Variants in DNAH10 observed in about 807,000 individuals in gnomAD.
The protein encoded by DNAH10 is axonemal beta dynein heavy chain 10.
In DNAH10, 348 loss-of-function variants were observed where a neutral mutation model predicts 506.6. The ratio of observed to expected loss-of-function variants is 0.69; its 90% CI spans 0.63 to 0.75. DNAH10 has a LOEUF of 0.75. Among genes scored for constraint, DNAH10 ranks in the 30% least tolerant of loss-of-function variants. The probability of loss-of-function intolerance (pLI) is 0.00; values close to 1 mark genes in which losing one functional copy is unlikely to be tolerated. For missense variants in DNAH10, 5,179 were observed against 5,787.1 expected, an observed-to-expected ratio of 0.89 and a Z score of 3.41; for synonymous variants, 2,059 against 2,198.6, an observed-to-expected ratio of 0.94 and a Z score of 1.78.
intron 5 of DNAH10, among the ~76,000 whole-genome samples, chr12:123,775,489 G>C (rs1426421020): frequency 6.6e-6 from 1 of 152,198 alleles, no homozygotes; most frequent in Non-Finnish European, 1.5e-5. Context: ...AAATGCACTA[G>C]GGAAGGAAGG....
intron 52 of DNAH10, among the ~76,000 whole-genome samples, chr12:123,889,635 C>T (rs916637167): frequency 6.6e-6 from 1 of 152,156 alleles, no homozygotes; most frequent in Non-Finnish European, 1.5e-5. Flanking sequence ...CATCTCAGGG[C>T]AGACAGGGAA....
intron 67 of DNAH10, 100 bp downstream of exon 67, chr12:123,924,532 A>C: frequency 6.9e-7 from 1 of 1,445,034 alleles, no homozygotes; most frequent in South Asian, 1.4e-5. Flanking sequence ...CACTCCTTTG[A>C]GTAACCCATT....
rs190094148 is a variant in DNAH10 at position 123,908,245 on chromosome 12, C to T, written c.9816-1016C>T. 8.7e-3 allele frequency: 3,707 copies of T among 426,316 alleles called. 300 individuals carry two copies. Among genetic ancestry groups the T allele is most frequent in the African/African-American group, 0.071 (3,141 of 44,134 alleles). The allele number at this position is 426,316 out of a possible 1,614,324, so 26.4% of individuals were successfully genotyped here. Reference sequence around the variant, plus strand: ...CTGTCTTCCTGTCTCCTCCCTGTCTCTCTGTCTCCTCCCTGTCTCCCTGTC... The same window carrying T: ...CTGTCTTCCTGTCTCCTCCCTGTCTTTCTGTCTCCTCCCTGTCTCCCTGTC... On this transcript the variant is annotated intron_variant, in intron 57 of 78. Transcript: ENST00000673944.
intron 10 of DNAH10, among the ~76,000 whole-genome samples, chr12:123,788,881 C>A (rs567700717): frequency 6.0e-5 from 9 of 149,096 alleles, no homozygotes; most frequent in South Asian, 2.1e-4. Flanking sequence ...GCCGTGGTCA[C>A]GCCAGTGTAC....
chr12:123,788,388 C>G (rs115704331), intron 10 of DNAH10, among the ~76,000 whole-genome samples: 2,023 of 152,284 alleles, frequency 0.013, 28 homozygotes, highest in Non-Finnish European at 0.02. Context: ...TCCCAGAGCT[C>G]CACGGATGGA....
At chr12:123,891,323 A>G (rs1320745895) in intron 52 of DNAH10, among the ~76,000 whole-genome samples, 1 of 152,182 alleles carries the variant, frequency 6.6e-6, no homozygotes, top group Admixed American at 6.5e-5. Context: ...CTCTGTAAAG[A>G]CAATTTCCAA....
At chr12:123,801,503 T>G in intron 16 of DNAH10, 71 bp downstream of exon 16, 1 of 1,534,500 alleles carries the variant, frequency 6.5e-7, no homozygotes, top group Non-Finnish European at 8.8e-7. Context: ...TTGTTTTATT[T>G]GAATTACCAT....
chr12:123,811,155 T>G (rs973177226), intron 19 of DNAH10, among the ~76,000 whole-genome samples: 10 of 152,326 alleles, frequency 6.6e-5, no homozygotes, highest in South Asian at 2.1e-4. Context: ...GAGCCAAAGT[T>G]TTAACTAGTT....
At chr12:123,836,107 A>T (rs548625871) in intron 28 of DNAH10, among the ~76,000 whole-genome samples, 8 of 152,322 alleles carry the variant, frequency 5.3e-5, no homozygotes, top group African/African-American at 1.9e-4. Context: ...TGTATCTCTC[A>T]TGGTTCTGTC....
At chr12:123,796,285 C>A (rs559783887) in intron 12 of DNAH10, among the ~76,000 whole-genome samples, 1 of 152,218 alleles carries the variant, frequency 6.6e-6, no homozygotes, top group East Asian at 1.9e-4. Flanking sequence ...GGGGAAACAC[C>A]ATTTCTACCA....
At chr12:123,884,191 C>A (rs1015975012) in intron 51 of DNAH10, among the ~76,000 whole-genome samples, 1 of 152,194 alleles carries the variant, frequency 6.6e-6, no homozygotes, top group Non-Finnish European at 1.5e-5. Flanking sequence ...TGTGCCACCA[C>A]GCCCGGCTAA....
chr12:123,879,002 G>A (rs117472870), intron 48 of DNAH10, among the ~76,000 whole-genome samples: 1,806 of 152,244 alleles, frequency 0.012, 20 homozygotes, highest in Non-Finnish European at 0.016. Context: ...CTTATTTTAC[G>A]TCATTTATAG....
chr12:123,925,853 C>G lies in DNAH10; in HGVS notation c.11921+649C>G, dbSNP rs1566114056. The G allele has an allele frequency of 6.6e-6, 1 of 152,236 alleles. No individual in the cohort carries two copies. Among genetic ancestry groups the G allele is most frequent in the African/African-American group, 2.4e-5 (1 of 41,438 alleles). 9.4% of individuals were successfully genotyped at this position (152,236 alleles called of 1,614,324 possible). A position where few individuals can be genotyped will look rare whatever the true frequency, so the allele number is the denominator to read the frequency against. Reference sequence around the variant, plus strand: ...TGGGAACCCACAGTGGCTGGATCCTCTGACTCTGAAAGAAGCTAGGACTTC... The same window carrying G: ...TGGGAACCCACAGTGGCTGGATCCTGTGACTCTGAAAGAAGCTAGGACTTC... On this transcript the variant is annotated intron_variant, in intron 68 of 78. Transcript: ENST00000673944. This position sits in a 1 kb window ranked among gnomAD's most constrained non-coding sequence, Gnocchi z 4.0.
Position 123,898,886 on chromosome 12 carries a change from C to CCAGGG in DNAH10, c.9640+76_9640+80dup, listed in dbSNP as rs375145788. ...CCACCGTAGGTGAGTGAGGGCGGGGCCAGGGCAGCCCATCCCGAGCAGGAC... is the reference window on the plus strand; with the variant it reads ...CCACCGTAGGTGAGTGAGGGCGGGGCCAGGGCAGGGCAGCCCATCCCGAGCAGGAC... On this transcript the variant is annotated intron_variant, in intron 56 of 78. Transcript: ENST00000673944. 4.8e-4 allele frequency: 708 copies of CCAGGG among 1,483,940 alleles called. 1 individual carries two copies. In the African/African-American group the frequency reaches 8.8e-3, roughly 19 times the overall value. 91.9% of individuals were successfully genotyped at this position (1,483,940 alleles called of 1,614,324 possible).
Position 123,881,630 on chromosome 12 carries a change from T to G in DNAH10, c.8640T>G (p.Ile2880Met). ...YEAAKALFQEILEEYNESNTK... is the reference protein window; with the variant it reads ...YEAAKALFQEMLEEYNESNTK... Reference sequence around the variant, plus strand: ...TTTTTTTTTTTTAAATGCAGGAAATTCTTGAAGAGTATAATGAAAGCAACA... The same window carrying G: ...TTTTTTTTTTTTAAATGCAGGAAATGCTTGAAGAGTATAATGAAAGCAACA... Residue 2880 changes from isoleucine to methionine, a missense_variant, in exon 51 of 79, where the codon ATT (isoleucine) becomes ATG (methionine). Physicochemically the swap from Ile to Met is conservative, Grantham distance 10 (BLOSUM62 1). Coordinates refer to ENST00000673944, the MANE Select transcript of DNAH10 (RefSeq NM_001372106.1). 1 of 1,522,222 alleles carries G rather than the reference T, an allele frequency of 6.6e-7. No individual in the cohort carries two copies. Among genetic ancestry groups the G allele is most frequent in the South Asian group, 1.3e-5 (1 of 77,450 alleles). 94.3% of individuals were successfully genotyped at this position (1,522,222 alleles called of 1,614,324 possible).
rs1019856761 is a variant in DNAH10, at chr12:123,928,244, C to T, written c.12106-143C>T. The T allele has an allele frequency of 1.1e-6, 1 of 904,688 alleles. No homozygotes were observed. The highest frequency in any genetic ancestry group is 1.6e-6 in the Non-Finnish European group (1 of 607,736). 56.0% of individuals were successfully genotyped at this position (904,688 alleles called of 1,614,324 possible). On this transcript the variant is annotated intron_variant, in intron 69 of 78. Transcript: ENST00000673944. This position sits in a 1 kb window ranked among gnomAD's most constrained non-coding sequence, Gnocchi z 4.9. ...AAAGATGGTTTATTTGAAGGCTCCA[C>T]CTGTAGCTCCTGGATCCTCGGCTTG...
At chr12:123,934,490 G>A in intron 77 of DNAH10, 131 bp from the exon 78 acceptor site, 2 of 1,117,882 alleles carry the variant, frequency 1.8e-6, no homozygotes, top group Non-Finnish European at 2.6e-6. Flanking sequence ...GAAGGGCCTG[G>A]GCTGTCCCCA....
chr12:123,770,405 G>A (rs1957206788), intron 2 of DNAH10, among the ~76,000 whole-genome samples: 1 of 151,540 alleles, frequency 6.6e-6, no homozygotes, highest in Admixed American at 6.6e-5. Flanking sequence ...TTTTTGTAGA[G>A]ATTAGAGACT....
At chr12:123,792,059 G>C (rs1039234815) in intron 11 of DNAH10, among the ~76,000 whole-genome samples, 1 of 152,062 alleles carries the variant, frequency 6.6e-6, no homozygotes, top group Non-Finnish European at 1.5e-5. Flanking sequence ...GTAGATACAG[G>C]CTGGACTGTC....
Sources: allele counts gnomAD v4.1 joint callset (sites outside exome capture counted in the v4.1 genomes callset), GRCh38; gene constraint gnomAD v4.1.1; non-coding constraint Gnocchi (gnomAD v3.1); transcripts MANE v1.5; gene names NCBI Gene and HGNC (gene_info 2026-07-23, HGNC 2026-07-21).